COLQ: variants seen among roughly 807,000 people sequenced by gnomAD.
COLQ encodes the protein collagen like tail subunit of asymmetric acetylcholinesterase.
In COLQ, 48 loss-of-function variants were observed where a neutral mutation model predicts 69.0. That is an observed-to-expected ratio of 0.70 (90% CI 0.55 to 0.88). The LOEUF (loss-of-function observed/expected upper bound fraction) is 0.88. Ranked by LOEUF, COLQ falls within the 40% of genes least tolerant of loss-of-function variation. The probability of loss-of-function intolerance (pLI) is 0.00; values close to 1 mark genes in which losing one functional copy is unlikely to be tolerated. For missense variants in COLQ, 618 were observed against 594.6 expected (o/e 1.04, Z -0.41); for synonymous variants, 217 against 211.2 (o/e 1.03, Z -0.24).
chr3:15,483,151 C>A (rs1347900927), intron 3 of COLQ, among the ~76,000 whole-genome samples: 2 of 152,004 alleles, frequency 1.3e-5, no homozygotes, highest in South Asian at 2.1e-4. Flanking sequence ...TTGATCTTTT[C>A]AAAAAACCAG....
intron 1 of COLQ, among the ~76,000 whole-genome samples, chr3:15,494,272 T>G (rs1346808294): frequency 6.6e-6 from 1 of 151,664 alleles, no homozygotes; most frequent in African/African-American, 2.4e-5. Context: ...GGTGCAGGTG[T>G]GGGGAGGACA....
At chr3:15,482,250 G>GTTGA (rs1223896218) in intron 3 of COLQ, among the ~76,000 whole-genome samples, 10 of 150,932 alleles carry the variant, frequency 6.6e-5, no homozygotes, top group Admixed American at 2.6e-4. Flanking sequence ...CCAACACTGT[G>GTTGA]ATAGGAGTGG....
At chr3:15,463,630 G>A (rs1275695255) in intron 12 of COLQ, among the ~76,000 whole-genome samples, 1 of 151,974 alleles carries the variant, frequency 6.6e-6, no homozygotes, top group African/African-American at 2.4e-5. Context: ...ACAGGTGTGA[G>A]CCACCGCGCC....
chr3:15,476,099 C>T lies in COLQ; in HGVS notation c.466-612G>A, dbSNP rs144693354. On this transcript the variant is annotated intron_variant, in intron 6 of 16. Coordinates refer to ENST00000383788, the MANE Select transcript of COLQ (RefSeq NM_005677.4). ...TAATCATCCCAACTTGTAATCTATA[C>T]AAAAATTATTGAGATATTTTACATT... 4.4e-4 allele frequency among the ~76,000 whole-genome samples: 67 copies of T among 152,274 alleles called. 2 individuals carry two copies. In the East Asian group the frequency reaches 9.3e-3, roughly 21 times the overall value.
rs66861967 is a variant in COLQ at position 15,473,026 on chromosome 3, A to ATT, written c.636+972_636+973dup. 1.4e-5 allele frequency among the ~76,000 whole-genome samples: 2 copies of ATT among 144,146 alleles called. No homozygotes were observed. The highest frequency in any genetic ancestry group is 5.1e-5 in the African/African-American group (2 of 39,504). 94.6% of individuals were successfully genotyped at this position (144,146 alleles called of 152,430 possible). ...AGGCATGTGCCACCATGACCTGCTA[A>ATT]TTTTTTTTTTTTTAGAGATGAGATA... On this transcript the variant is annotated intron_variant, in intron 10 of 16. Transcript: ENST00000383788. The surrounding 1 kb of genome is among the most constrained non-coding windows in gnomAD (Gnocchi z 4.0).
chr3:15,520,409 T>C (rs1458490817), intron 1 of COLQ, among the ~76,000 whole-genome samples: 2 of 152,210 alleles, frequency 1.3e-5, no homozygotes, highest in Non-Finnish European at 2.9e-5. Flanking sequence ...CACAACTTGC[T>C]GATGAGCTGT....
In COLQ at chr3:15,521,523, C is replaced by T. The variant is rs2125197454; in HGVS notation, c.103G>A (p.Ala35Thr). ...TFINSVLPIS[A>T]ALPSLDQKKR... ...GAAAGTTGTGGCCATCATTTACCTG[C>T]TGAGATTGGAAGAACGCTGTTGATG... Residue 35 changes from alanine to threonine, a missense_variant, in exon 1 of 17, where the codon GCA (alanine) becomes ACA (threonine). Physicochemically the swap from Ala to Thr is moderately conservative, Grantham distance 58. Coordinates refer to ENST00000383788, the MANE Select transcript of COLQ (RefSeq NM_005677.4). 1.2e-6 allele frequency: 2 copies of T among 1,614,142 alleles called. No homozygotes were observed. Among genetic ancestry groups the T allele is most frequent in the Non-Finnish European group, 1.7e-6 (2 of 1,180,032 alleles).
At chr3:15,456,350 A>T in intron 14 of COLQ, 110 bp downstream of exon 14, 1 of 1,451,756 alleles carries the variant, frequency 6.9e-7, no homozygotes, top group Non-Finnish European at 9.4e-7. Flanking sequence ...CCATGCAGAC[A>T]GACTGTAGAA....
At chr3:15,475,352 C>G in intron 7 of COLQ, 73 bp downstream of exon 7, 2 of 1,416,796 alleles carry the variant, frequency 1.4e-6, no homozygotes, top group Non-Finnish European at 2.0e-6. Flanking sequence ...CACCCAGTCC[C>G]TATGTTTGTA....
At chr3:15,454,038 C>T (rs770615065) in intron 15 of COLQ, 107 bp from the exon 16 acceptor site, 1 of 769,932 alleles carries the variant, frequency 1.3e-6, no homozygotes, top group African/African-American at 1.7e-5. Context: ...AGTGCTGCAC[C>T]CCTTAAAGAA....
intron 1 of COLQ, among the ~76,000 whole-genome samples, chr3:15,514,967 T>G (rs549374337): frequency 6.6e-6 from 1 of 152,360 alleles, no homozygotes; most frequent in East Asian, 1.9e-4. Flanking sequence ...GCATTCAATT[T>G]TTAAATGTTA....
chr3:15,496,336 C>T (rs1446006847), intron 1 of COLQ: 2 of 155,514 alleles, frequency 1.3e-5, no homozygotes, highest in Non-Finnish European at 2.9e-5. Context: ...ATTTACAGCT[C>T]ATTCCTGTTC....
At position 15,473,878 on chromosome 3, in the gene COLQ, A is replaced by C; in HGVS notation, c.636+122T>G. On this transcript the variant is annotated intron_variant, in intron 10 of 16. Coordinates refer to ENST00000383788, the MANE Select transcript of COLQ (RefSeq NM_005677.4). The surrounding 1 kb of genome is among the most constrained non-coding windows in gnomAD (Gnocchi z 4.0). ...AACTTGCTTCCCGTCCCAAAATAGA[A>C]GTTTCCATGGTTAAACCCACCATCC... is the stretch of plus-strand genomic sequence containing the variant. 8.9e-7 allele frequency: 1 copy of C among 1,118,498 alleles called. No homozygotes were observed. Among genetic ancestry groups the C allele is most frequent in the Non-Finnish European group, 1.3e-6 (1 of 750,150 alleles). 69.3% of individuals were successfully genotyped at this position (1,118,498 alleles called of 1,614,324 possible).
At position 15,457,126 on chromosome 3, in the gene COLQ, G is replaced by A. The variant is rs369038061; in HGVS notation, c.955-547C>T. On this transcript the variant is annotated intron_variant, in intron 13 of 16. Transcript: ENST00000383788. ...GGCATGAGCCACCGCGCCCGGCCTC[G>A]GATTTAACATTTTTAAATATTTAAA... 9.2e-5 allele frequency among the ~76,000 whole-genome samples: 14 copies of A among 151,754 alleles called. 1 individual carries two copies. Among genetic ancestry groups the A allele is most frequent in the East Asian group, 1.9e-4 (1 of 5,150 alleles).
At chr3:15,458,078 G>T in intron 13 of COLQ, 108 bp downstream of exon 13, 1 of 1,231,960 alleles carries the variant, frequency 8.1e-7, no homozygotes, top group Non-Finnish European at 1.2e-6. Context: ...TGTACTCAGA[G>T]TCGTGAAAAA....
At chr3:15,477,037 CCT>C in intron 6 of COLQ, 87 bp downstream of exon 6, 1 of 1,264,076 alleles carries the variant, frequency 7.9e-7, no homozygotes, top group South Asian at 1.3e-5. Flanking sequence ...GAAGGGATTC[CCT>C]GACTATGTGC....
At position 15,473,906 on chromosome 3, in the gene COLQ, G is replaced by A. The variant is rs2062332026; in HGVS notation, c.636+94C>T. On this transcript the variant is annotated intron_variant, in intron 10 of 16. Coordinates refer to ENST00000383788, the MANE Select transcript of COLQ (RefSeq NM_005677.4). This position sits in a 1 kb window ranked among gnomAD's most constrained non-coding sequence, Gnocchi z 4.0. ...TTCCATGGTTAAACCCACCATCCCT[G>A]CCTGATAGACAAGGAGGCAGAGTTC... is the stretch of plus-strand genomic sequence containing the variant. The A allele has an allele frequency of 1.5e-6, 2 of 1,374,532 alleles. No individual in the cohort carries two copies. The allele number at this position is 1,374,532 out of a possible 1,614,324, so 85.1% of individuals were successfully genotyped here.
chr3:15,454,591 C>T (rs2061998479), intron 15 of COLQ, among the ~76,000 whole-genome samples: 1 of 151,142 alleles, frequency 6.6e-6, no homozygotes, highest in East Asian at 1.9e-4. Context: ...TTCGGCCACA[C>T]TGAGACAGTC....
intron 1 of COLQ, among the ~76,000 whole-genome samples, chr3:15,512,471 C>T (rs1408190865): frequency 2.0e-5 from 3 of 152,136 alleles, no homozygotes; most frequent in South Asian, 2.1e-4. Flanking sequence ...CTGGGGAAGC[C>T]GGTCACCACG....
Sources: gnomAD v4.1 joint callset for allele counts (sites outside exome capture counted in the v4.1 genomes callset) on GRCh38, gnomAD v4.1.1 for gene constraint, Gnocchi (gnomAD v3.1) non-coding constraint, MANE v1.5 for transcripts, NCBI Gene and HGNC (gene_info 2026-07-23, HGNC 2026-07-21) for gene names.